Variants in CERT1 observed in about 807,000 individuals in gnomAD.
CERT1 encodes ceramide transporter 1, also known as ceramide transfer protein.
CERT1 carries 31 observed loss-of-function variants against 87.9 expected under a neutral mutation model. The observed-to-expected ratio is 0.35, with a 90% CI of 0.27 to 0.48. The LOEUF (loss-of-function observed/expected upper bound fraction) is 0.48, where lower values mean the gene tolerates loss of function less well. Among genes scored for constraint, CERT1 ranks in the 20% least tolerant of loss-of-function variants. CERT1 has a pLI of 0.99. For synonymous variants in CERT1, 289 were observed against 250.9 expected (o/e 1.15, Z -1.44); for missense variants, 487 against 758.0 (o/e 0.64, Z 4.20).
At chr5:75,497,056 A>G (rs944170676) in intron 2 of CERT1, among the ~76,000 whole-genome samples, 1 of 152,212 alleles carries the variant, frequency 6.6e-6, no homozygotes, top group Admixed American at 6.5e-5. Context: ...AAAAAAGACT[A>G]TCAAGAATAC....
At chr5:75,416,535 T>A (rs749051904) in intron 7 of CERT1, among the ~76,000 whole-genome samples, 7 of 152,214 alleles carry the variant, frequency 4.6e-5, no homozygotes, top group Non-Finnish European at 8.8e-5. Context: ...GCATATAAGT[T>A]AGTTCATATG....
intron 3 of CERT1, among the ~76,000 whole-genome samples, chr5:75,438,725 C>T (rs1764192953): frequency 6.6e-6 from 1 of 152,024 alleles, no homozygotes; most frequent in Admixed American, 6.5e-5. Flanking sequence ...ATCCCTCATA[C>T]AAATTTTTTG....
intron 2 of CERT1, among the ~76,000 whole-genome samples, chr5:75,482,844 C>T (rs28874007): frequency 0.13 from 19,180 of 152,104 alleles, 1,326 homozygotes; most frequent in South Asian, 0.23. Flanking sequence ...ATGCAGATAC[C>T]GCTATAGCAA....
At chr5:75,457,836 T>G (rs1765053112) in intron 3 of CERT1, among the ~76,000 whole-genome samples, 1 of 151,270 alleles carries the variant, frequency 6.6e-6, no homozygotes, top group Non-Finnish European at 1.5e-5. Context: ...AATCGCATAC[T>G]TCTTTATCAA....
At chr5:75,492,377 A>G (rs1320185247) in intron 2 of CERT1, among the ~76,000 whole-genome samples, 1 of 152,144 alleles carries the variant, frequency 6.6e-6, no homozygotes, top group Non-Finnish European at 1.5e-5. Flanking sequence ...AAATAAATAA[A>G]ATTTTAAAAA....
chr5:75,509,546 CGA>C (rs1475524437), intron 1 of CERT1, among the ~76,000 whole-genome samples: 1 of 152,076 alleles, frequency 6.6e-6, no homozygotes, highest in Non-Finnish European at 1.5e-5. Flanking sequence ...ATTTAAATAT[CGA>C]GATTGGTCTT....
intron 2 of CERT1, among the ~76,000 whole-genome samples, chr5:75,495,517 C>T (rs1368628631): frequency 1.3e-5 from 2 of 151,912 alleles, no homozygotes; most frequent in Non-Finnish European, 2.9e-5. Flanking sequence ...GAGATCACGC[C>T]ACTGCACTCC....
intron 2 of CERT1, among the ~76,000 whole-genome samples, chr5:75,497,107 T>C (rs936868447): frequency 6.6e-6 from 1 of 152,224 alleles, no homozygotes; most frequent in Non-Finnish European, 1.5e-5. Context: ...TTTAGGTTGG[T>C]AAATAGAACT....
intron 5 of CERT1, among the ~76,000 whole-genome samples, chr5:75,424,552 CAG>C (rs1262147459): frequency 6.8e-6 from 1 of 147,252 alleles, no homozygotes; most frequent in Non-Finnish European, 1.5e-5. Context: ...AGCCTGGTGA[CAG>C]AGCGAGACTC....
chr5:75,428,603 G>A (rs1467933507), intron 3 of CERT1, among the ~76,000 whole-genome samples: 1 of 151,908 alleles, frequency 6.6e-6, no homozygotes, highest in African/African-American at 2.4e-5. Context: ...GCATGAACCT[G>A]GGAGGCGGAG....
At chr5:75,467,438 C>CA (rs1310929764) in intron 2 of CERT1, among the ~76,000 whole-genome samples, 3 of 151,908 alleles carry the variant, frequency 2.0e-5, no homozygotes, top group African/African-American at 7.3e-5. Flanking sequence ...GCTCAGGGTT[C>CA]AAGACTAGCC....
chr5:75,507,348 C>T (rs192019079), intron 1 of CERT1, among the ~76,000 whole-genome samples: 91 of 152,170 alleles, frequency 6.0e-4, no homozygotes, highest in Non-Finnish European at 1.1e-3. Flanking sequence ...TGGGCTCAAG[C>T]GATCTGTCTT....
rs1281799764 is a variant in CERT1, at chr5:75,377,803, AT to A, written c.*1542del. 6.6e-6 allele frequency: 1 copy of A among 152,132 alleles called. No individual in the cohort carries two copies. Among genetic ancestry groups the A allele is most frequent in the Non-Finnish European group, 1.5e-5 (1 of 68,016 alleles). 9.4% of individuals were successfully genotyped at this position (152,132 alleles called of 1,614,324 possible). A position where few individuals can be genotyped will look rare whatever the true frequency, so the allele number is the denominator to read the frequency against. On this transcript the variant is annotated 3_prime_UTR_variant, in exon 17 of 17. Coordinates refer to ENST00000643780, the MANE Select transcript of CERT1 (RefSeq NM_001379029.1). ...CTTTTTCATACTTTTGACTTTATTT[AT>A]TTATTTTTTGACAGACATTACCTGT... is the stretch of plus-strand genomic sequence containing the variant.
downstream of CERT1, chr5:75,373,071 A>C (rs1409150188): frequency 6.6e-6 from 1 of 152,244 alleles, no homozygotes. Flanking sequence ...GCAACAAAGA[A>C]AAGCATTTCA....
intron 12 of CERT1, among the ~76,000 whole-genome samples, chr5:75,386,988 T>C (rs10942737): frequency 0.077 from 11,666 of 152,106 alleles, 539 homozygotes; most frequent in South Asian, 0.16. Context: ...CTGTCTCGGC[T>C]TCCTGAGTAG....
intron 1 of CERT1, among the ~76,000 whole-genome samples, chr5:75,510,014 C>T (rs904366600): frequency 6.6e-6 from 1 of 152,202 alleles, no homozygotes; most frequent in African/African-American, 2.4e-5. Flanking sequence ...TCCTGGCCCC[C>T]TTCTCATTAG....
chr5:75,468,856 A>C (rs143798441), intron 2 of CERT1, among the ~76,000 whole-genome samples: 170 of 152,332 alleles, frequency 1.1e-3, no homozygotes, highest in South Asian at 2.5e-3. Flanking sequence ...CATTCCAATA[A>C]GTACCTATTT....
In CERT1 at chr5:75,379,080, G is replaced by A; in HGVS notation, c.*266C>T. On this transcript the variant is annotated 3_prime_UTR_variant, in exon 17 of 17. Coordinates refer to ENST00000643780, the MANE Select transcript of CERT1 (RefSeq NM_001379029.1). ...TGTGGGGACTCCCAGCTACTGGGAA[G>A]GCTGAGATGAGAGGATTGTTTGAGG... 1 of 303,770 alleles carries A rather than the reference G, an allele frequency of 3.3e-6. No homozygotes were observed. Among genetic ancestry groups the A allele is most frequent in the Non-Finnish European group, 6.1e-6 (1 of 163,924 alleles). 18.8% of individuals were successfully genotyped at this position (303,770 alleles called of 1,614,324 possible).
intron 3 of CERT1, among the ~76,000 whole-genome samples, chr5:75,446,455 G>C (rs1764540129): frequency 6.6e-6 from 1 of 152,044 alleles, no homozygotes; most frequent in Non-Finnish European, 1.5e-5. Context: ...TAAGGTAGCT[G>C]CTTTAAAGTC....
Sources: gnomAD v4.1 joint callset for allele counts (sites outside exome capture counted in the v4.1 genomes callset) on GRCh38, gnomAD v4.1.1 for gene constraint, MANE v1.5 for transcripts, NCBI Gene and HGNC (gene_info 2026-07-23, HGNC 2026-07-21) for gene names.